KATNAL2: variants seen among roughly 807,000 people sequenced by gnomAD.
KATNAL2 encodes the protein katanin catalytic subunit A1 like 2, also known as katanin p60 ATPase-containing subunit A-like 2.
KATNAL2 carries 52 observed loss-of-function variants against 76.3 expected under a neutral mutation model. The observed-to-expected ratio is 0.68, with a 90% CI of 0.55 to 0.86. The LOEUF (loss-of-function observed/expected upper bound fraction) is 0.86, where lower values mean the gene tolerates loss of function less well. KATNAL2 is among the 40% of genes least tolerant of loss of function. The pLI, the probability that KATNAL2 is intolerant of heterozygous loss-of-function variation, is 0.00. For synonymous variants in KATNAL2, 243 were observed against 244.2 expected (o/e 1.00, Z 0.05); for missense variants, 660 against 668.9 (o/e 0.99, Z 0.15).
intron 10 of KATNAL2, among the ~76,000 whole-genome samples, 174 bp from the exon 11 acceptor site, chr18:47,066,845 GTT>G (rs1491197741): frequency 2.4e-4 from 6 of 25,370 alleles, no homozygotes; most frequent in South Asian, 1.7e-3. Flanking sequence ...GTATATATGT[GTT>G]TATATATATA....
rs376743992 is a variant in KATNAL2, at chr18:47,036,947, A to G, written c.52-9510A>G. Among the ~76,000 whole-genome samples, 20 of 152,356 alleles carry G rather than the reference A, an allele frequency of 1.3e-4. No individual in the cohort carries two copies. The East Asian group carries it at 3.5e-3, about 26-fold the overall frequency. ...GAGCCAGGAGATAGTCAGGAAACAAACAAGAAACAAATTAGAACCTACAGG... is the reference window on the plus strand; with the variant it reads ...GAGCCAGGAGATAGTCAGGAAACAAGCAAGAAACAAATTAGAACCTACAGG... On this transcript the variant is annotated intron_variant, in intron 3 of 17. Coordinates refer to ENST00000683218, the MANE Select transcript of KATNAL2 (RefSeq NM_001387690.1).
chr18:47,055,150 G>A (rs2061436930), intron 6 of KATNAL2, among the ~76,000 whole-genome samples: 1 of 152,058 alleles, frequency 6.6e-6, no homozygotes, highest in Non-Finnish European at 1.5e-5. Flanking sequence ...CACTCCCATA[G>A]ACCCCTCCAC....
intron 3 of KATNAL2, among the ~76,000 whole-genome samples, chr18:47,036,840 C>G (rs941145273): frequency 2.6e-5 from 4 of 152,160 alleles, no homozygotes; most frequent in Non-Finnish European, 5.9e-5. Flanking sequence ...AATGTCTTTT[C>G]TGGATCTGTA....
intron 1 of KATNAL2, among the ~76,000 whole-genome samples, chr18:46,941,287 C>T (rs1386095093): frequency 5.9e-5 from 9 of 151,896 alleles, no homozygotes; most frequent in Admixed American, 5.3e-4. Context: ...TGCACTGAGC[C>T]GAGATCATGC....
chr18:46,948,494 G>A (rs1439103081), intron 3 of KATNAL2, among the ~76,000 whole-genome samples: 17 of 138,338 alleles, frequency 1.2e-4, no homozygotes, highest in African/African-American at 3.8e-4. Flanking sequence ...GTGTGATCTT[G>A]GCTCACCGCA....
intron 3 of KATNAL2, among the ~76,000 whole-genome samples, chr18:46,961,590 T>G (rs1238451896): frequency 6.6e-6 from 1 of 152,218 alleles, no homozygotes; most frequent in Non-Finnish European, 1.5e-5. Context: ...CTGAAAGACA[T>G]TTTTCAAATA....
intron 3 of KATNAL2, among the ~76,000 whole-genome samples, chr18:46,961,906 G>C (rs948681721): frequency 1.3e-5 from 2 of 152,172 alleles, no homozygotes; most frequent in Non-Finnish European, 2.9e-5. Context: ...ATGTAGATGG[G>C]GGTTTGCTAC....
chr18:46,944,368 C>A (rs118099078), intron 1 of KATNAL2, among the ~76,000 whole-genome samples: 99 of 152,084 alleles, frequency 6.5e-4, no homozygotes, highest in African/African-American at 2.2e-3. Context: ...ATAAAAAACG[C>A]GGTATAATGA....
chr18:47,034,301 C>T lies in KATNAL2; in HGVS notation c.52-12156C>T, dbSNP rs139970016. The T allele has an allele frequency of 3.0e-5, 48 of 1,613,154 alleles. No individual in the cohort carries two copies. Among genetic ancestry groups the T allele is most frequent in the Middle Eastern group, 3.3e-4 (2 of 6,082 alleles). On this transcript the variant is annotated intron_variant, in intron 3 of 17. Transcript: ENST00000683218. ...TGTGTCCCATTTCCTGGGTCCCGGC[C>T]GTCTAGACTGGGCCTCTTCTTGTTC...
chr18:47,032,863 G>T, intron 3 of KATNAL2: 1 of 1,523,706 alleles, frequency 6.6e-7, no homozygotes, highest in African/African-American at 1.4e-5. Flanking sequence ...GCCAGCACAT[G>T]ACACCTGCAG....
intron 3 of KATNAL2, among the ~76,000 whole-genome samples, chr18:46,959,755 A>G (rs1321902484): frequency 6.6e-6 from 1 of 152,042 alleles, no homozygotes; most frequent in Non-Finnish European, 1.5e-5. Flanking sequence ...TGTATTTTTT[A>G]GTAGAGATGG....
chr18:47,063,450 A>C (rs2061696559), intron 10 of KATNAL2, 89 bp downstream of exon 10: 1 of 935,926 alleles, frequency 1.1e-6, no homozygotes, highest in Non-Finnish European at 1.6e-6. Context: ...AATAACAATA[A>C]ATATGATCAT....
At chr18:47,034,372 T>A in intron 3 of KATNAL2, 1 of 1,614,054 alleles carries the variant, frequency 6.2e-7, no homozygotes, top group Non-Finnish European at 8.5e-7. Flanking sequence ...TGGAGCCTCC[T>A]CCAAGGCAGG....
At chr18:46,927,651 G>A (rs1311114398) in intron 1 of KATNAL2, among the ~76,000 whole-genome samples, 3 of 152,164 alleles carry the variant, frequency 2.0e-5, no homozygotes, top group Non-Finnish European at 4.4e-5. Context: ...GATTGGGGAA[G>A]TTCTCCTGGA....
chr18:46,936,211 A>G (rs2146592263), intron 1 of KATNAL2, among the ~76,000 whole-genome samples: 1 of 152,306 alleles, frequency 6.6e-6, no homozygotes, highest in Non-Finnish European at 1.5e-5. Context: ...AAATGACATG[A>G]TTAACAAACA....
chr18:47,085,582 C>T (rs1411368379), intron 15 of KATNAL2, among the ~76,000 whole-genome samples: 1 of 151,974 alleles, frequency 6.6e-6, no homozygotes, highest in African/African-American at 2.4e-5. Context: ...TTCTGATGAC[C>T]CACGACTCCA....
At chr18:46,920,958 C>T (rs1349448820) in intron 1 of KATNAL2, among the ~76,000 whole-genome samples, 2 of 152,158 alleles carry the variant, frequency 1.3e-5, no homozygotes, top group Non-Finnish European at 2.9e-5. Flanking sequence ...TAAATATATC[C>T]TTTTTCTTTA....
chr18:47,053,781 G>A (rs2061399897), intron 5 of KATNAL2, among the ~76,000 whole-genome samples: 1 of 152,268 alleles, frequency 6.6e-6, no homozygotes, highest in African/African-American at 2.4e-5. Flanking sequence ...GGTCAAAGAG[G>A]TATTTTATCT....
At chr18:47,078,310 A>ACC (rs34485206) in intron 15 of KATNAL2, among the ~76,000 whole-genome samples, 1 of 150,782 alleles carries the variant, frequency 6.6e-6, no homozygotes, top group African/African-American at 2.4e-5. Context: ...ATTATCTGGG[A>ACC]CCCCCCCCAA....
Sources: gnomAD v4.1 joint callset for allele counts (sites outside exome capture counted in the v4.1 genomes callset) on GRCh38, gnomAD v4.1.1 for gene constraint, MANE v1.5 for transcripts, NCBI Gene and HGNC (gene_info 2026-07-23, HGNC 2026-07-21) for gene names.